The following DIP2C variants were observed in gnomAD, a reference collection of about 807,000 sequenced individuals.
DIP2C encodes DIP2 acetate--CoA ligase C (putative).
A neutral mutation model predicts 192.4 loss-of-function variants in DIP2C; 33 were observed. That is an observed-to-expected ratio of 0.17 (90% CI 0.13 to 0.23). The LOEUF is 0.23. Ranked by LOEUF, DIP2C falls within the 10% of genes least tolerant of loss-of-function variation. The pLI is 1.00. For synonymous variants in DIP2C, 979 were observed against 864.1 expected (o/e 1.13, Z -2.33); for missense variants, 1,537 against 2,110.1 (o/e 0.73, Z 5.32).
At chr10:621,274 G>A (rs1853830710) in intron 1 of DIP2C, among the ~76,000 whole-genome samples, 1 of 151,744 alleles carries the variant, frequency 6.6e-6, no homozygotes, top group South Asian at 2.1e-4. Context: ...ACCCCCAGGT[G>A]TGCACACGCT....
chr10:659,015 GCA>G (rs1194823147), intron 1 of DIP2C, among the ~76,000 whole-genome samples: 3 of 151,640 alleles, frequency 2.0e-5, no homozygotes, highest in South Asian at 4.2e-4. Context: ...ATTCACACAT[GCA>G]CACACATTCA....
At chr10:416,909 C>T (rs955431807) in intron 6 of DIP2C, among the ~76,000 whole-genome samples, 21 of 152,156 alleles carry the variant, frequency 1.4e-4, no homozygotes, top group Non-Finnish European at 2.2e-4. Context: ...TGTTCGCCCC[C>T]GCACTGGACC....
chr10:605,832 C>T (rs116402311), intron 1 of DIP2C, among the ~76,000 whole-genome samples: 2 of 152,228 alleles, frequency 1.3e-5, no homozygotes, highest in African/African-American at 4.8e-5. Context: ...AAGGAGGAAG[C>T]GTCCTCCAAA....
chr10:284,836 G>A (rs1955014791), intron 34 of DIP2C, among the ~76,000 whole-genome samples: 1 of 152,116 alleles, frequency 6.6e-6, no homozygotes, highest in African/African-American at 2.4e-5. Context: ...GCATCACAGT[G>A]CATTCCTTAA....
In DIP2C at chr10:277,292, T is replaced by G; in HGVS notation, c.*33A>C. The G allele has an allele frequency of 6.2e-7, 1 of 1,609,520 alleles. No individual in the cohort carries two copies. Among genetic ancestry groups the G allele is most frequent in the Non-Finnish European group, 8.5e-7 (1 of 1,178,558 alleles). On this transcript the variant is annotated 3_prime_UTR_variant, in exon 37 of 37. Coordinates refer to ENST00000280886, the MANE Select transcript of DIP2C (RefSeq NM_014974.3). The stretch of plus-strand genomic sequence containing the variant: ...GGACACGGAGAACAATGTCTACATC[T>G]CTAGAAAAGTCCATGGAAGCCAAGA...
chr10:602,147 T>C (rs926023158), intron 1 of DIP2C, among the ~76,000 whole-genome samples: 3 of 152,122 alleles, frequency 2.0e-5, no homozygotes, highest in African/African-American at 7.2e-5. Context: ...CAACGTTCAG[T>C]ATTGTCACAC....
chr10:301,565 T>G (rs1956050028), intron 32 of DIP2C, among the ~76,000 whole-genome samples: 1 of 152,188 alleles, frequency 6.6e-6, no homozygotes, highest in Admixed American at 6.5e-5. Flanking sequence ...GAGAATGGGA[T>G]GTAAAGACTA....
chr10:323,776 C>T (rs755427939), intron 31 of DIP2C, among the ~76,000 whole-genome samples: 59 of 152,084 alleles, frequency 3.9e-4, no homozygotes, highest in Non-Finnish European at 5.0e-4. Flanking sequence ...AGAAACATTT[C>T]AGGCTTTCCT....
chr10:530,115 A>G (rs1847278905), intron 1 of DIP2C, among the ~76,000 whole-genome samples: 1 of 152,226 alleles, frequency 6.6e-6, no homozygotes, highest in African/African-American at 2.4e-5. Context: ...GACAGCCCGG[A>G]GCATCCCGGA....
chr10:386,694 C>T (rs766876245), intron 14 of DIP2C, among the ~76,000 whole-genome samples: 5 of 152,344 alleles, frequency 3.3e-5, no homozygotes, highest in South Asian at 2.1e-4. Flanking sequence ...AATTCTGGTT[C>T]GCCAAGAAAC....
At chr10:451,179 T>C (rs1226315435) in intron 3 of DIP2C, among the ~76,000 whole-genome samples, 4 of 152,202 alleles carry the variant, frequency 2.6e-5, no homozygotes, top group African/African-American at 4.8e-5. Flanking sequence ...ACACCTGGTA[T>C]AGAAAGCTCC....
At chr10:419,221 G>C (rs1246312672) in intron 5 of DIP2C, 22 bp from the exon 6 acceptor site, 4 of 1,614,066 alleles carry the variant, frequency 2.5e-6, no homozygotes, top group East Asian at 2.2e-5. Flanking sequence ...CACATCATGA[G>C]ATTTTCTGGT....
intron 2 of DIP2C, among the ~76,000 whole-genome samples, chr10:480,974 T>C (rs1843561254): frequency 6.6e-6 from 1 of 152,224 alleles, no homozygotes; most frequent in South Asian, 2.1e-4. Context: ...CCCTGTGAGC[T>C]GCCACATGGC....
chr10:522,749 G>C (rs1333004730), intron 1 of DIP2C, among the ~76,000 whole-genome samples: 2 of 152,232 alleles, frequency 1.3e-5, no homozygotes, highest in Admixed American at 6.5e-5. Context: ...ATTGGGTTTT[G>C]AGAGTTCCTT....
At chr10:628,545 T>C (rs910704262) in intron 1 of DIP2C, 5 of 152,258 alleles carry the variant, frequency 3.3e-5, no homozygotes, top group Admixed American at 3.3e-4. Flanking sequence ...AGCCTCGCTC[T>C]GATGGGCCTG....
chr10:645,887 C>A (rs751842639), intron 1 of DIP2C, among the ~76,000 whole-genome samples: 1 of 152,108 alleles, frequency 6.6e-6, no homozygotes, highest in Non-Finnish European at 1.5e-5. Flanking sequence ...ACCCTGTCTC[C>A]CCCAAAATGC....
intron 1 of DIP2C, among the ~76,000 whole-genome samples, chr10:594,372 A>G (rs755627552): frequency 1.3e-5 from 2 of 151,910 alleles, no homozygotes; most frequent in South Asian, 2.1e-4. Context: ...CCATTTCAAC[A>G]TAAGGGAACA....
At chr10:469,281 T>C (rs1970447839) in intron 3 of DIP2C, among the ~76,000 whole-genome samples, 1 of 151,734 alleles carries the variant, frequency 6.6e-6, no homozygotes, top group Admixed American at 6.6e-5. Context: ...ATTGCTATTA[T>C]CTTTTGAGCA....
At chr10:523,804 G>A (rs1846881921) in intron 1 of DIP2C, among the ~76,000 whole-genome samples, 1 of 152,236 alleles carries the variant, frequency 6.6e-6, no homozygotes, top group Non-Finnish European at 1.5e-5. Flanking sequence ...CTGGAGCGAG[G>A]ATGCAGGGAC....
Sources: gnomAD v4.1 joint callset for allele counts (sites outside exome capture counted in the v4.1 genomes callset) on GRCh38, gnomAD v4.1.1 for gene constraint, MANE v1.5 for transcripts, NCBI Gene and HGNC (gene_info 2026-07-23, HGNC 2026-07-21) for gene names.